ZBTB21: variants seen among roughly 807,000 people sequenced by gnomAD.
The protein encoded by ZBTB21 is zinc finger and BTB domain containing 21.
In ZBTB21, 10 loss-of-function variants were observed where a neutral mutation model predicts 39.8. The observed-to-expected ratio is 0.25, with a 90% CI of 0.16 to 0.43. The LOEUF (loss-of-function observed/expected upper bound fraction) is 0.43. Among genes scored for constraint, ZBTB21 ranks in the 20% least tolerant of loss-of-function variants. The pLI, the probability that ZBTB21 is intolerant of heterozygous loss-of-function variation, is 1.00. For missense variants in ZBTB21, 1,221 were observed against 1,296.3 expected, an observed-to-expected ratio of 0.94 and a Z score of 0.89; for synonymous variants, 551 against 498.8, an observed-to-expected ratio of 1.10 and a Z score of -1.40.
intron 2 of ZBTB21, among the ~76,000 whole-genome samples, chr21:42,001,923 A>G (rs2065821999): frequency 6.6e-6 from 1 of 152,250 alleles, no homozygotes; most frequent in Admixed American, 6.5e-5. Flanking sequence ...GGGCTGCAGT[A>G]CATGCAACAC....
rs145945008 is a variant in ZBTB21 at position 41,993,564 on chromosome 21, G to T, written c.532C>A (p.Pro178Thr). Residue 178 changes from proline to threonine, a missense_variant, in exon 3 of 3, where the codon CCT becomes ACT. This residue lies in a region of ZBTB21 where 500 missense variants were observed against 465.6 expected (regional missense o/e 1.07). Coordinates refer to ENST00000310826, the MANE Select transcript of ZBTB21 (RefSeq NM_001098402.2). ...GTATTGGCCTTGACTGCAATGCTAG[G>T]AGAGGGCCGGGAAGTATGGCTTACA... ...PDVSHTSRPSPSIAVKANTNK... is the reference protein window; with the variant it reads ...PDVSHTSRPSTSIAVKANTNK... 4.3e-6 allele frequency: 7 copies of T among 1,614,138 alleles called. No homozygotes were observed. The highest frequency in any genetic ancestry group is 5.9e-6 in the Non-Finnish European group (7 of 1,180,058).
chr21:42,006,463 A>G (rs1424749118), intron 1 of ZBTB21, among the ~76,000 whole-genome samples: 1 of 151,214 alleles, frequency 6.6e-6, no homozygotes, highest in African/African-American at 2.4e-5. Flanking sequence ...TCTTTCCCTT[A>G]GTTATTCCCT....
In ZBTB21 at chr21:41,993,521, G is replaced by A; in HGVS notation, c.575C>T (p.Pro192Leu). 1 of 1,614,248 alleles carries A rather than the reference G, an allele frequency of 6.2e-7. No individual in the cohort carries two copies. The highest frequency in any genetic ancestry group is 8.5e-7 in the Non-Finnish European group (1 of 1,180,040). The stretch of plus-strand genomic sequence containing the variant: ...ATTATGAAGTGGTTCTATTGGTTTT[G>A]GGACATGTGGCTTATTGGTATTGGC... ...VKANTNKPHV[P>L]KPIEPLHNLS... Residue 192 changes from proline to leucine, a missense_variant, in exon 3 of 3, where the codon CCA becomes CTA. Transcript: ENST00000310826.
At chr21:41,996,946 T>C (rs944089373) in intron 2 of ZBTB21, among the ~76,000 whole-genome samples, 6 of 152,242 alleles carry the variant, frequency 3.9e-5, no homozygotes, top group Admixed American at 3.9e-4. Flanking sequence ...CTGCACTCCT[T>C]GCCTTCTGCC....
At chr21:42,003,618 G>C (rs917107305) in intron 1 of ZBTB21, among the ~76,000 whole-genome samples, 3 of 152,164 alleles carry the variant, frequency 2.0e-5, no homozygotes, top group African/African-American at 7.2e-5. Context: ...GCAACGACAT[G>C]ATGCACAAAG....
At chr21:42,006,693 T>A (rs2065883188) in intron 1 of ZBTB21, among the ~76,000 whole-genome samples, 1 of 152,176 alleles carries the variant, frequency 6.6e-6, no homozygotes, top group Admixed American at 6.5e-5. Flanking sequence ...CCCTCCCAAA[T>A]TTATATGATA....
chr21:41,997,532 C>T lies in ZBTB21; in HGVS notation c.-13-3424G>A, dbSNP rs144386264. Among the ~76,000 whole-genome samples the T allele has an allele frequency of 2.6e-3, 391 of 149,400 alleles. 4 individuals carry two copies. Among genetic ancestry groups the T allele is most frequent in the African/African-American group, 9.0e-3 (363 of 40,466 alleles). ...TGGAGGTTGTAGTGAGCCAAGATTG[C>T]GCCACTGCACTCCAGCCTGGTTGAC... is the stretch of plus-strand genomic sequence containing the variant. On this transcript the variant is annotated intron_variant, in intron 2 of 2. Transcript: ENST00000310826.
chr21:41,994,241 T>C (rs570318630), intron 2 of ZBTB21, 133 bp from the exon 3 acceptor site: 9 of 659,092 alleles, frequency 1.4e-5, no homozygotes, highest in Middle Eastern at 4.0e-4. Context: ...AGAAGCTCTA[T>C]GAATGAACAA....
chr21:42,008,423 C>T (rs1287099772), intron 1 of ZBTB21, among the ~76,000 whole-genome samples: 1 of 146,652 alleles, frequency 6.8e-6, no homozygotes, highest in Non-Finnish European at 1.5e-5. Context: ...GAGGCTGAGG[C>T]AGGAGAATCG....
At chr21:41,995,804 G>A (rs1283953668) in intron 2 of ZBTB21, among the ~76,000 whole-genome samples, 2 of 152,206 alleles carry the variant, frequency 1.3e-5, no homozygotes, top group Non-Finnish European at 2.9e-5. Flanking sequence ...CCCTTTCTGT[G>A]TGCAGCCTAG....
Position 41,992,544 on chromosome 21 carries a change from T to G in ZBTB21, c.1552A>C (p.Thr518Pro), listed in dbSNP as rs1181927407. The G allele has an allele frequency of 1.9e-6, 3 of 1,614,004 alleles. No individual in the cohort carries two copies. Among genetic ancestry groups the G allele is most frequent in the Non-Finnish European group, 2.5e-6 (3 of 1,180,030 alleles). ...EDNFEEGSSP[T>P]LLDADFPDSD... ...TCTGGAAAATCTGCATCAAGGAGAGTAGGGCTTGAGCCTTCCTCAAAATTA... is the reference window on the plus strand; with the variant it reads ...TCTGGAAAATCTGCATCAAGGAGAGGAGGGCTTGAGCCTTCCTCAAAATTA... The change falls in exon 3 of 3, where the codon ACT (threonine) becomes CCT (proline). Residue 518 changes from threonine to proline, a missense_variant. Physicochemically the swap from Thr to Pro is conservative, Grantham distance 38 (BLOSUM62 -1). Transcript: ENST00000310826. This position sits in a 1 kb window ranked among gnomAD's most constrained non-coding sequence, Gnocchi z 4.1.
At position 41,991,383 on chromosome 21, in the gene ZBTB21, CTTT is replaced by C. The variant is rs1220342230; in HGVS notation, c.2710_2712del (p.Lys904del). 6.2e-7 allele frequency: 1 copy of C among 1,606,522 alleles called. No individual in the cohort carries two copies. The highest frequency in any genetic ancestry group is 1.3e-5 in the African/African-American group (1 of 74,422). On this transcript the variant is annotated inframe_deletion, in exon 3 of 3. Coordinates refer to ENST00000310826, the MANE Select transcript of ZBTB21 (RefSeq NM_001098402.2). The surrounding 1 kb of genome is among the most constrained non-coding windows in gnomAD (Gnocchi z 4.9). Reference sequence around the variant, plus strand: ...TTCTCGCAGGGCCACAGGCTGGCTTCTTTGCTAGGACCCGCTTCTTTGGGGGCT... The same window carrying C: ...TTCTCGCAGGGCCACAGGCTGGCTTCGCTAGGACCCGCTTCTTTGGGGGCT...
chr21:42,008,603 T>C (rs1414829088), intron 1 of ZBTB21, among the ~76,000 whole-genome samples: 4 of 150,762 alleles, frequency 2.7e-5, no homozygotes, highest in East Asian at 1.9e-4. Flanking sequence ...CCTTTAATTA[T>C]CTCATTTCCA....
chr21:41,993,794 G>A lies in ZBTB21; in HGVS notation c.302C>T (p.Ala101Val). 6.2e-7 allele frequency: 1 copy of A among 1,614,218 alleles called. No homozygotes were observed. Among genetic ancestry groups the A allele is most frequent in the African/African-American group, 1.3e-5 (1 of 75,064 alleles). Residue 101 changes from alanine to valine, a missense_variant, in exon 3 of 3, where the codon GCT (alanine) becomes GTT (valine). Physicochemically the swap from Ala to Val is moderately conservative, Grantham distance 64. Transcript: ENST00000310826. ...SLFVEKSSLA[A>V]VQELGYSLGI... ...AAGACTATAGCCAAGTTCTTGCACAGCAGCAAGGCTGCTCTTCTCAACAAA... is the reference window on the plus strand; with the variant it reads ...AAGACTATAGCCAAGTTCTTGCACAACAGCAAGGCTGCTCTTCTCAACAAA...
In ZBTB21 at chr21:41,992,861, G is replaced by T. The variant is rs757909132; in HGVS notation, c.1235C>A (p.Ala412Asp). ...LQPHRLRSFS[A>D]SQSTDREGAS... is the part of the protein sequence containing the mutation. ...TCCCTCCCTGTCTGTTGACTGAGAA[G>T]CACTAAAGGACCTGAGGCGATGCGG... The change falls in exon 3 of 3, where the codon GCT becomes GAT. Residue 412 changes from alanine to aspartate, a missense_variant. This residue lies in a region of ZBTB21 where 500 missense variants were observed against 465.6 expected (regional missense o/e 1.07). Coordinates refer to ENST00000310826, the MANE Select transcript of ZBTB21 (RefSeq NM_001098402.2). The surrounding 1 kb of genome is among the most constrained non-coding windows in gnomAD (Gnocchi z 4.1). 3.7e-6 allele frequency: 6 copies of T among 1,614,204 alleles called. No individual in the cohort carries two copies. Among genetic ancestry groups the T allele is most frequent in the Non-Finnish European group, 4.2e-6 (5 of 1,180,048 alleles).
intron 1 of ZBTB21, among the ~76,000 whole-genome samples, chr21:42,004,504 G>C (rs1305651453): frequency 1.3e-5 from 2 of 151,982 alleles, no homozygotes; most frequent in African/African-American, 2.4e-5. Flanking sequence ...GTGAGTGAGG[G>C]GGTGAGAAAC....
At position 41,993,092 on chromosome 21, in the gene ZBTB21, A is replaced by T; in HGVS notation, c.1004T>A (p.Leu335His). 6.2e-7 allele frequency: 1 copy of T among 1,614,254 alleles called. No homozygotes were observed. Among genetic ancestry groups the T allele is most frequent in the Non-Finnish European group, 8.5e-7 (1 of 1,180,034 alleles). The change falls in exon 3 of 3, where the codon CTT (leucine) becomes CAT (histidine). Residue 335 changes from leucine to histidine, a missense_variant. Physicochemically the swap from Leu to His is moderately conservative, Grantham distance 99. This residue lies in a region of ZBTB21 where 500 missense variants were observed against 465.6 expected (regional missense o/e 1.07). Coordinates refer to ENST00000310826, the MANE Select transcript of ZBTB21 (RefSeq NM_001098402.2). ...GNQSIDRSGP[L>H]VKSLLRRSLS... ...TGACCGTCTGAGGAGACTCTTAACA[A>T]GTGGGCCACTCCTGTCAATGCTTTG...
chr21:42,010,112 C>A (rs1345230258), intron 1 of ZBTB21, 140 bp downstream of exon 1: 2 of 387,964 alleles, frequency 5.2e-6, no homozygotes, highest in Non-Finnish European at 9.1e-6. Flanking sequence ...CGCTCGGAGC[C>A]CGCAACCCGC....
chr21:41,989,996 CTTTGT>C lies in ZBTB21; in HGVS notation c.*894_*898del, dbSNP rs993569077. The C allele has an allele frequency of 4.6e-5, 7 of 152,230 alleles. No homozygotes were observed. The highest frequency in any genetic ancestry group is 2.1e-4 in the South Asian group (1 of 4,820). 9.4% of individuals were successfully genotyped at this position (152,230 alleles called of 1,614,324 possible). ...ATCAAAATTAGTGCCATATGGTTAG[CTTTGT>C]TTTTTGTCCTAACTACACTCAGATT... On this transcript the variant is annotated 3_prime_UTR_variant, in exon 3 of 3. Coordinates refer to ENST00000310826, the MANE Select transcript of ZBTB21 (RefSeq NM_001098402.2).
Sources: gnomAD v4.1 joint callset for allele counts (sites outside exome capture counted in the v4.1 genomes callset) on GRCh38, gnomAD v4.1.1 for gene constraint, gnomAD v4.1.1 regional missense constraint, Gnocchi (gnomAD v3.1) non-coding constraint, MANE v1.5 for transcripts, NCBI Gene and HGNC (gene_info 2026-07-23, HGNC 2026-07-21) for gene names.